The following COL24A1 variants were observed in gnomAD, a reference collection of about 807,000 sequenced individuals.
COL24A1 encodes the protein collagen alpha-1(XXIV) chain.
COL24A1 carries 224 observed loss-of-function variants against 253.9 expected under a neutral mutation model. The ratio of observed to expected loss-of-function variants is 0.88; its 90% CI spans 0.79 to 0.99. The LOEUF (loss-of-function observed/expected upper bound fraction) is 0.99, where lower values mean the gene tolerates loss of function less well. COL24A1 is among the 50% of genes least tolerant of loss of function. COL24A1 has a pLI of 0.00. For missense variants in COL24A1, 2,131 were observed against 2,068.5 expected (o/e 1.03, Z -0.59); for synonymous variants, 685 against 673.7 (o/e 1.02, Z -0.26).
rs182175243 is a variant in COL24A1, at chr1:85,900,785, C to G, written c.2779-4376G>C. Among the ~76,000 whole-genome samples the G allele has an allele frequency of 2.0e-3, 309 of 152,254 alleles. 10 individuals are homozygous for G. The South Asian group carries it at 0.052, about 25-fold the overall frequency. On this transcript the variant is annotated intron_variant, in intron 28 of 59. Coordinates refer to ENST00000370571, the MANE Select transcript of COL24A1 (RefSeq NM_152890.7). ...ACGTTTATAGCCAGCTGATTTTTGA[C>G]AAAGGTGCCAAGAGCACACAATGGG...
intron 24 of COL24A1, among the ~76,000 whole-genome samples, chr1:85,930,347 A>C (rs1427486336): frequency 3.6e-5 from 1 of 27,760 alleles, no homozygotes; most frequent in Non-Finnish European, 6.2e-5. Flanking sequence ...AAATGGATAC[A>C]TTCCTCGACA....
intron 1 of COL24A1, among the ~76,000 whole-genome samples, chr1:86,150,732 G>C (rs564478188): frequency 7.2e-5 from 11 of 152,150 alleles, no homozygotes; most frequent in East Asian, 1.9e-4. Flanking sequence ...TGATGGACTA[G>C]GTTTGTTTGT....
chr1:85,926,820 A>G (rs1687302895), intron 24 of COL24A1, among the ~76,000 whole-genome samples: 1 of 151,854 alleles, frequency 6.6e-6, no homozygotes, highest in African/African-American at 2.4e-5. Context: ...GTATAATAAT[A>G]ATAATTATAA....
At position 85,945,017 on chromosome 1, in the gene COL24A1, T is replaced by G. The variant is rs1196846657; in HGVS notation, c.2562+16232A>C. ...CTATCATTGTGTTTTTTTTTTTTTTTTTTTTTTTTTTTTTTTTTGAGACAG... is the reference window on the plus strand; with the variant it reads ...CTATCATTGTGTTTTTTTTTTTTTTGTTTTTTTTTTTTTTTTTTGAGACAG... On this transcript the variant is annotated intron_variant, in intron 24 of 59. Coordinates refer to ENST00000370571, the MANE Select transcript of COL24A1 (RefSeq NM_152890.7). Among the ~76,000 whole-genome samples, 16 of 92,740 alleles carry G rather than the reference T, an allele frequency of 1.7e-4. 1 individual carries two copies. Among genetic ancestry groups the G allele is most frequent in the South Asian group, 5.3e-4 (1 of 1,892 alleles). The allele number at this position is 92,740 out of a possible 152,430, so 60.8% of individuals were successfully genotyped here.
At chr1:85,802,118 T>C (rs1671493228) in intron 47 of COL24A1, among the ~76,000 whole-genome samples, 2 of 152,198 alleles carry the variant, frequency 1.3e-5, no homozygotes, top group South Asian at 4.1e-4. Context: ...CTTCTGCATC[T>C]TGTCTTGTCC....
At chr1:86,108,214 G>A (rs1456761899) in intron 5 of COL24A1, among the ~76,000 whole-genome samples, 1 of 152,082 alleles carries the variant, frequency 6.6e-6, no homozygotes, top group Non-Finnish European at 1.5e-5. Flanking sequence ...CTGGGTACAT[G>A]TGATAAATAA....
intron 19 of COL24A1, among the ~76,000 whole-genome samples, chr1:85,999,662 A>C (rs55904692): frequency 0.4 from 59,990 of 151,094 alleles, 12,284 homozygotes; most frequent in East Asian, 0.58. Flanking sequence ...TAAAATAAAA[A>C]AGAAAAGAAA....
intron 53 of COL24A1, among the ~76,000 whole-genome samples, chr1:85,772,587 T>C (rs950587398): frequency 4.6e-5 from 7 of 152,060 alleles, no homozygotes; most frequent in Non-Finnish European, 8.8e-5. Context: ...TGGTGTCTCA[T>C]TGTGGTTTTG....
chr1:85,834,007 C>T (rs561547517), intron 43 of COL24A1, among the ~76,000 whole-genome samples: 31 of 151,128 alleles, frequency 2.1e-4, no homozygotes, highest in African/African-American at 7.5e-4. Flanking sequence ...AGGAGCTATA[C>T]CTAATGCTAA....
intron 38 of COL24A1, among the ~76,000 whole-genome samples, chr1:85,849,044 T>C (rs964056954): frequency 6.6e-6 from 1 of 152,202 alleles, no homozygotes; most frequent in African/African-American, 2.4e-5. Flanking sequence ...ACAAATGGTA[T>C]AGTATTTTCC....
At chr1:86,108,351 C>T (rs1438351112) in intron 5 of COL24A1, among the ~76,000 whole-genome samples, 2 of 152,036 alleles carry the variant, frequency 1.3e-5, no homozygotes, top group Admixed American at 6.5e-5. Flanking sequence ...ATTGGCTTCT[C>T]AATATTTATA....
intron 5 of COL24A1, among the ~76,000 whole-genome samples, chr1:86,099,964 GT>G (rs1202304109): frequency 6.6e-5 from 10 of 151,818 alleles, no homozygotes; most frequent in Non-Finnish European, 4.4e-5. Flanking sequence ...TATACTTTAA[GT>G]TTTAGGGTAC....
intron 1 of COL24A1, 37 bp downstream of exon 1, chr1:86,156,304 T>C: frequency 6.3e-7 from 1 of 1,592,138 alleles, no homozygotes; most frequent in African/African-American, 1.3e-5. Flanking sequence ...GAGGGGTTGG[T>C]CTAACCCCTA....
At chr1:86,054,353 T>C (rs996419445) in intron 10 of COL24A1, among the ~76,000 whole-genome samples, 3 of 151,922 alleles carry the variant, frequency 2.0e-5, no homozygotes, top group South Asian at 4.2e-4. Flanking sequence ...ACAGAGTAAA[T>C]AGACAACTTA....
At chr1:85,932,522 AGT>A (rs1687834775) in intron 24 of COL24A1, among the ~76,000 whole-genome samples, 1 of 122,160 alleles carries the variant, frequency 8.2e-6, no homozygotes, top group Non-Finnish European at 1.7e-5. Context: ...TGTGGAAGTC[AGT>A]GTGGCGATTC....
rs116520802 is a variant in COL24A1, at chr1:85,886,381, G to C, written c.2976+3179C>G. Among the ~76,000 whole-genome samples the C allele has an allele frequency of 2.0e-3, 296 of 151,562 alleles. 3 individuals carry two copies. The highest frequency in any genetic ancestry group is 6.9e-3 in the African/African-American group (286 of 41,434). On this transcript the variant is annotated intron_variant, in intron 32 of 59. Coordinates refer to ENST00000370571, the MANE Select transcript of COL24A1 (RefSeq NM_152890.7). ...GATGATTTTTAAAGAATCAAAAATG[G>C]TTGGCTGGATGTGGTGGCTCACACC...
At chr1:86,154,232 A>G (rs1398398743) in intron 1 of COL24A1, 1 of 149,820 alleles carries the variant, frequency 6.7e-6, no homozygotes, top group African/African-American at 2.5e-5. Flanking sequence ...TGGATTTTCT[A>G]GAAACAATTT....
chr1:86,133,829 C>A (rs1572037429), intron 2 of COL24A1, among the ~76,000 whole-genome samples: 1 of 152,002 alleles, frequency 6.6e-6, no homozygotes, highest in African/African-American at 2.4e-5. Context: ...TGTGTCTCTG[C>A]CAGGCTTTGG....
intron 30 of COL24A1, 47 bp from the exon 31 acceptor site, chr1:85,895,949 G>T (rs1173135159): frequency 1.2e-6 from 2 of 1,601,314 alleles, no homozygotes; most frequent in African/African-American, 1.4e-5. Flanking sequence ...CCTCCAAAAA[G>T]ATTAATCATA....
Sources: allele counts gnomAD v4.1 joint callset (sites outside exome capture counted in the v4.1 genomes callset), GRCh38; gene constraint gnomAD v4.1.1; transcripts MANE v1.5; gene names NCBI Gene and HGNC (gene_info 2026-07-23, HGNC 2026-07-21).